Variants in FAF2 observed in about 807,000 individuals in gnomAD.
FAF2 encodes the protein FAS-associated factor 2.
In FAF2, 9 loss-of-function variants were observed where a neutral mutation model predicts 62.3. That is an observed-to-expected ratio of 0.14 (90% CI 0.09 to 0.25). The LOEUF (loss-of-function observed/expected upper bound fraction) is 0.25. Ranked by LOEUF, FAF2 falls within the 10% of genes least tolerant of loss-of-function variation. The pLI is 1.00. For missense variants in FAF2, 368 were observed against 556.2 expected (o/e 0.66, Z 3.40); for synonymous variants, 202 against 198.0 (o/e 1.02, Z -0.17).
At chr5:176,455,075 T>TA (rs75882004) in intron 1 of FAF2, among the ~76,000 whole-genome samples, 2,640 of 148,134 alleles carry the variant, frequency 0.018, 68 homozygotes, top group African/African-American at 0.061. Flanking sequence ...GGGAAATTGC[T>TA]AAAAAAAAAA....
intron 4 of FAF2, 144 bp from the exon 5 acceptor site, chr5:176,492,050 C>A (rs912570209): frequency 2.3e-6 from 2 of 871,260 alleles, no homozygotes; most frequent in East Asian, 2.5e-5. Context: ...ACTCTACTCT[C>A]GGATTTGATG....
intron 1 of FAF2, among the ~76,000 whole-genome samples, chr5:176,473,851 AC>A (rs1301292317): frequency 6.6e-6 from 1 of 152,028 alleles, no homozygotes; most frequent in East Asian, 1.9e-4. Flanking sequence ...CAGTCCTCCC[AC>A]CTTGGCTTCC....
intron 1 of FAF2, among the ~76,000 whole-genome samples, chr5:176,472,749 G>GA (rs1758596340): frequency 1.4e-5 from 2 of 147,898 alleles, no homozygotes; most frequent in South Asian, 4.3e-4. Context: ...AAGAAAGAAA[G>GA]AAAAAAGAAA....
intron 5 of FAF2, among the ~76,000 whole-genome samples, chr5:176,493,571 T>G (rs963787686): frequency 2.0e-5 from 3 of 152,270 alleles, no homozygotes; most frequent in African/African-American, 4.8e-5. Flanking sequence ...GGATCAGGGT[T>G]GTCTTCGCAG....
At chr5:176,490,005 G>A (rs888845228) in intron 4 of FAF2, among the ~76,000 whole-genome samples, 6 of 152,124 alleles carry the variant, frequency 3.9e-5, no homozygotes, top group South Asian at 2.1e-4. Flanking sequence ...AGGGTCCAAG[G>A]CCAGAAAATG....
chr5:176,461,982 T>A (rs1467054216), intron 1 of FAF2, among the ~76,000 whole-genome samples: 1 of 152,108 alleles, frequency 6.6e-6, no homozygotes, highest in East Asian at 1.9e-4. Flanking sequence ...GTGTTAGAAG[T>A]AAGCATCAGA....
At chr5:176,454,550 C>A (rs1486608727) in intron 1 of FAF2, among the ~76,000 whole-genome samples, 1 of 137,092 alleles carries the variant, frequency 7.3e-6, no homozygotes, top group South Asian at 2.3e-4. Context: ...TGCACTCTAA[C>A]CTGGGCAACA....
At chr5:176,466,535 C>T (rs533862331) in intron 1 of FAF2, among the ~76,000 whole-genome samples, 7 of 152,236 alleles carry the variant, frequency 4.6e-5, no homozygotes, top group African/African-American at 1.7e-4. Flanking sequence ...GAGATTACAC[C>T]CTGGTTACCC....
At chr5:176,457,714 T>C (rs190415368) in intron 1 of FAF2, among the ~76,000 whole-genome samples, 2 of 152,134 alleles carry the variant, frequency 1.3e-5, no homozygotes, top group East Asian at 3.9e-4. Context: ...AAGTGATGAA[T>C]AGCAGAAATC....
At chr5:176,492,090 G>C in intron 4 of FAF2, 104 bp from the exon 5 acceptor site, 1 of 1,339,490 alleles carries the variant, frequency 7.5e-7, no homozygotes, top group East Asian at 2.3e-5. Flanking sequence ...ACCTCCCTTT[G>C]TTGCCGTGCC....
At chr5:176,459,887 C>T (rs1266254523) in intron 1 of FAF2, among the ~76,000 whole-genome samples, 1 of 152,024 alleles carries the variant, frequency 6.6e-6, no homozygotes, top group East Asian at 1.9e-4. Context: ...CCCCCTCCCA[C>T]TCTACCCCAT....
At chr5:176,459,587 G>A (rs941108932) in intron 1 of FAF2, among the ~76,000 whole-genome samples, 1 of 152,220 alleles carries the variant, frequency 6.6e-6, no homozygotes, top group Non-Finnish European at 1.5e-5. Flanking sequence ...CAGCAATGTA[G>A]GGGAAGGAGG....
At chr5:176,462,917 C>CAACT (rs1321665169) in intron 1 of FAF2, among the ~76,000 whole-genome samples, 1 of 152,124 alleles carries the variant, frequency 6.6e-6, no homozygotes, top group South Asian at 2.1e-4. Context: ...GTTTGCTTCG[C>CAACT]TATAGTGTTT....
Position 176,492,839 on chromosome 5 carries a change from A to G in FAF2, c.483+507A>G, listed in dbSNP as rs149524618. Among the ~76,000 whole-genome samples, 258 of 152,216 alleles carry G rather than the reference A, an allele frequency of 1.7e-3. 1 individual carries two copies. The highest frequency in any genetic ancestry group is 5.9e-3 in the African/African-American group (245 of 41,528). On this transcript the variant is annotated intron_variant, in intron 5 of 10. Coordinates refer to ENST00000261942, the MANE Select transcript of FAF2 (RefSeq NM_014613.3). The stretch of plus-strand genomic sequence containing the variant: ...GCAATTTTATATTCTTTCCTATATC[A>G]TTTGTGTTCGTGTCTAATCTCTGCT...
intron 10 of FAF2, among the ~76,000 whole-genome samples, chr5:176,503,004 C>T (rs577745014): frequency 4.7e-5 from 7 of 148,784 alleles, no homozygotes; most frequent in Middle Eastern, 3.6e-3. Context: ...ACCGAGACTG[C>T]GCCATTGCAC....
At chr5:176,468,509 G>A (rs998828828) in intron 1 of FAF2, among the ~76,000 whole-genome samples, 10 of 151,784 alleles carry the variant, frequency 6.6e-5, no homozygotes, top group South Asian at 2.1e-4. Flanking sequence ...GTGTGAACCC[G>A]GGAGGCGCAG....
At chr5:176,492,899 A>G (rs954741525) in intron 5 of FAF2, among the ~76,000 whole-genome samples, 1 of 152,248 alleles carries the variant, frequency 6.6e-6, no homozygotes. Flanking sequence ...CAAAGCCTAC[A>G]TCTTCTTTGA....
chr5:176,450,554 ATCT>A (rs1203279053), intron 1 of FAF2, among the ~76,000 whole-genome samples: 2 of 150,846 alleles, frequency 1.3e-5, no homozygotes, highest in African/African-American at 2.4e-5. Context: ...TTCTGTGGAG[ATCT>A]TTTTTTTTTT....
chr5:176,474,089 G>A (rs1005490758), intron 1 of FAF2, among the ~76,000 whole-genome samples: 1 of 152,218 alleles, frequency 6.6e-6, no homozygotes, highest in Admixed American at 6.5e-5. Context: ...CCTTTCAGCT[G>A]ACTGAGCAAG....
Sources: allele counts gnomAD v4.1 joint callset (sites outside exome capture counted in the v4.1 genomes callset), GRCh38; gene constraint gnomAD v4.1.1; transcripts MANE v1.5; gene names NCBI Gene and HGNC (gene_info 2026-07-23, HGNC 2026-07-21).